EXOC2: variants seen among roughly 807,000 people sequenced by gnomAD.
EXOC2 encodes SEC5-like 1.
Under a neutral mutation model 131.8 loss-of-function variants are expected in EXOC2, and 70 were observed. The observed-to-expected ratio is 0.53, with a 90% CI of 0.44 to 0.65. The LOEUF (loss-of-function observed/expected upper bound fraction) is 0.65, where lower values mean the gene tolerates loss of function less well. EXOC2 is among the 30% of genes least tolerant of loss of function. The pLI is 0.00. For synonymous variants in EXOC2, 411 were observed against 398.4 expected (o/e 1.03, Z -0.38); for missense variants, 923 against 1,108.6 (o/e 0.83, Z 2.38).
chr6:546,310 G>A (rs984479750), intron 22 of EXOC2, among the ~76,000 whole-genome samples: 1 of 152,084 alleles, frequency 6.6e-6, no homozygotes, highest in Admixed American at 6.5e-5. Context: ...ACATACTTCT[G>A]GATTCAGACA....
At chr6:689,847 G>C (rs1318071732) in intron 1 of EXOC2, among the ~76,000 whole-genome samples, 1 of 152,182 alleles carries the variant, frequency 6.6e-6, no homozygotes, top group Non-Finnish European at 1.5e-5. Flanking sequence ...ACAAGTGCTA[G>C]GTGGTTATAG....
chr6:637,965 T>G (rs1444572908), intron 1 of EXOC2, 104 bp from the exon 2 acceptor site: 7 of 758,736 alleles, frequency 9.2e-6, no homozygotes, highest in Non-Finnish European at 1.1e-5. Flanking sequence ...AAAGTATTCT[T>G]AAACACAGAG....
chr6:593,008 C>T (rs575483739), intron 10 of EXOC2, among the ~76,000 whole-genome samples: 4 of 152,036 alleles, frequency 2.6e-5, no homozygotes, highest in African/African-American at 4.8e-5. Flanking sequence ...GCAGCCTGGG[C>T]GACAGAGTGA....
intron 1 of EXOC2, among the ~76,000 whole-genome samples, chr6:645,727 G>C (rs1328893578): frequency 6.6e-6 from 1 of 152,146 alleles, no homozygotes; most frequent in Non-Finnish European, 1.5e-5. Flanking sequence ...TTCTAGCTTT[G>C]TACATTGAGA....
chr6:607,045 T>C (rs763462515), intron 7 of EXOC2, among the ~76,000 whole-genome samples: 5 of 152,148 alleles, frequency 3.3e-5, no homozygotes, highest in African/African-American at 9.7e-5. Context: ...AAGGAGGCAG[T>C]GTGGCTGATC....
intron 4 of EXOC2, among the ~76,000 whole-genome samples, chr6:625,295 C>T (rs1761497847): frequency 6.6e-6 from 1 of 152,344 alleles, no homozygotes. Context: ...CCCAGCCACC[C>T]CACACACAGT....
intron 26 of EXOC2, among the ~76,000 whole-genome samples, chr6:490,797 CCTCTTATACTGATATTTACAGCA>C (rs1763385251): frequency 6.6e-6 from 1 of 152,216 alleles, no homozygotes; most frequent in Admixed American, 6.5e-5. Context: ...CACAAGGCTT[CCTCTTATACTGATATTTACAGCA>C]CTTGAGCTGT....
At chr6:556,098 C>T (rs568221266) in intron 18 of EXOC2, 85 bp from the exon 19 acceptor site, 16 of 1,242,604 alleles carry the variant, frequency 1.3e-5, no homozygotes, top group South Asian at 7.6e-5. Flanking sequence ...ACAGTTAAAA[C>T]GTGGAACGCT....
At chr6:516,189 G>A (rs184382976) in intron 23 of EXOC2, among the ~76,000 whole-genome samples, 7 of 152,182 alleles carry the variant, frequency 4.6e-5, no homozygotes, top group African/African-American at 1.7e-4. Context: ...TACCGCAGAG[G>A]GCAAAGATAC....
intron 13 of EXOC2, among the ~76,000 whole-genome samples, 177 bp downstream of exon 13, chr6:572,343 C>T (rs894776009): frequency 8.5e-5 from 13 of 152,160 alleles, no homozygotes; most frequent in African/African-American, 1.9e-4. Flanking sequence ...GTGACTTGTT[C>T]GAGGTCACAC....
At chr6:537,305 C>T (rs113674811) in intron 22 of EXOC2, among the ~76,000 whole-genome samples, 4 of 146,816 alleles carry the variant, frequency 2.7e-5, no homozygotes, top group African/African-American at 5.1e-5. Flanking sequence ...GCCGACGGAG[C>T]GCACACACGA....
rs146144702 is a variant in EXOC2, at chr6:541,942, G to T, written c.2238+7233C>A. ...ATATTCTTTAATTCATGTTACAAAC[G>T]AGCATGACCTACATGCTACAACATG... is the stretch of plus-strand genomic sequence containing the variant. On this transcript the variant is annotated intron_variant, in intron 22 of 27. Coordinates refer to ENST00000230449, the MANE Select transcript of EXOC2 (RefSeq NM_018303.6). Among the ~76,000 whole-genome samples, 91 of 152,266 alleles carry T rather than the reference G, an allele frequency of 6.0e-4. 1 individual carries two copies. Among genetic ancestry groups the T allele is most frequent in the East Asian group, 4.8e-3 (25 of 5,192 alleles).
intron 22 of EXOC2, among the ~76,000 whole-genome samples, chr6:533,529 G>A (rs1191876916): frequency 6.6e-6 from 1 of 152,040 alleles, no homozygotes; most frequent in Non-Finnish European, 1.5e-5. Context: ...TCGCTGTCAT[G>A]GGCAAAAAGG....
chr6:597,421 C>T (rs573934831), intron 10 of EXOC2, among the ~76,000 whole-genome samples: 9 of 152,158 alleles, frequency 5.9e-5, no homozygotes, highest in South Asian at 4.2e-4. Flanking sequence ...GTGATCCGCC[C>T]GCCTCAGCCT....
intron 1 of EXOC2, among the ~76,000 whole-genome samples, chr6:660,034 G>T (rs1052249915): frequency 6.6e-6 from 1 of 151,930 alleles, no homozygotes; most frequent in African/African-American, 2.4e-5. Context: ...TGTGAGACTG[G>T]CCCTTCAGTT....
chr6:538,910 A>G (rs1404732402), intron 22 of EXOC2, among the ~76,000 whole-genome samples: 1 of 152,044 alleles, frequency 6.6e-6, no homozygotes, highest in Non-Finnish European at 1.5e-5. Context: ...TGTCTCTACT[A>G]AAAATACGAA....
chr6:625,518 CTTTTTTTTTT>C (rs796295514), intron 4 of EXOC2, among the ~76,000 whole-genome samples: 11 of 108,046 alleles, frequency 1.0e-4, no homozygotes, highest in Admixed American at 3.1e-4. Flanking sequence ...TGTTTCCGTT[CTTTTTTTTTT>C]TTTTTTTTTT....
chr6:542,188 T>C (rs1756594090), intron 22 of EXOC2, among the ~76,000 whole-genome samples: 1 of 152,226 alleles, frequency 6.6e-6, no homozygotes. Context: ...CTTTGTTCCT[T>C]CAGCTTGGTG....
chr6:673,524 G>C (rs4960179), intron 1 of EXOC2, among the ~76,000 whole-genome samples: 119,537 of 151,928 alleles, frequency 0.79, 47,370 homozygotes, highest in East Asian at 1. Flanking sequence ...TAACAGATTC[G>C]TTAGGGTGAG....
Sources: allele counts gnomAD v4.1 joint callset (sites outside exome capture counted in the v4.1 genomes callset), GRCh38; gene constraint gnomAD v4.1.1; transcripts MANE v1.5; gene names NCBI Gene and HGNC (gene_info 2026-07-23, HGNC 2026-07-21).